RORA: variants seen among roughly 807,000 people sequenced by gnomAD.
RORA encodes nuclear receptor ROR-alpha.
A neutral mutation model predicts 69.5 loss-of-function variants in RORA; 7 were observed. The ratio of observed to expected loss-of-function variants is 0.10; its 90% CI spans 0.06 to 0.19. RORA has a LOEUF of 0.19. Ranked by LOEUF, RORA falls within the 10% of genes least tolerant of loss-of-function variation. The pLI is 1.00. For synonymous variants in RORA, 261 were observed against 240.8 expected (o/e 1.08, Z -0.78); for missense variants, 457 against 663.0 (o/e 0.69, Z 3.41).
intron 1 of RORA, among the ~76,000 whole-genome samples, chr15:60,998,664 G>A (rs1181811901): frequency 6.6e-6 from 1 of 152,162 alleles, no homozygotes; most frequent in Non-Finnish European, 1.5e-5. Flanking sequence ...CTCCCAAAGT[G>A]CTGGGATTAC....
chr15:61,124,617 T>C (rs1221610183), intron 1 of RORA, among the ~76,000 whole-genome samples: 1 of 152,264 alleles, frequency 6.6e-6, no homozygotes, highest in Non-Finnish European at 1.5e-5. Flanking sequence ...TATTTAACTA[T>C]TTTTTAATCT....
intron 1 of RORA, among the ~76,000 whole-genome samples, chr15:60,909,382 A>G (rs991272532): frequency 2.0e-5 from 3 of 152,234 alleles, no homozygotes; most frequent in African/African-American, 7.2e-5. Context: ...TCTGGATACT[A>G]GCTCTTTAGA....
intron 1 of RORA, among the ~76,000 whole-genome samples, chr15:61,163,792 T>C (rs149962247): frequency 6.6e-6 from 1 of 152,154 alleles, no homozygotes; most frequent in African/African-American, 2.4e-5. Context: ...CACCATTCAC[T>C]GAGAGCCTTT....
At chr15:60,994,927 A>G (rs1894487067) in intron 1 of RORA, among the ~76,000 whole-genome samples, 2 of 152,294 alleles carry the variant, frequency 1.3e-5, no homozygotes, top group South Asian at 4.1e-4. Flanking sequence ...AGGGCCAGAA[A>G]CTTTAAAAGG....
At chr15:61,092,268 G>C (rs891266800) in intron 1 of RORA, among the ~76,000 whole-genome samples, 2 of 152,170 alleles carry the variant, frequency 1.3e-5, no homozygotes, top group Non-Finnish European at 2.9e-5. Context: ...TTAAAGGCTG[G>C]CAGTATGTTC....
At chr15:61,039,628 C>G (rs1376451770) in intron 1 of RORA, among the ~76,000 whole-genome samples, 1 of 151,400 alleles carries the variant, frequency 6.6e-6, no homozygotes, top group Non-Finnish European at 1.5e-5. Flanking sequence ...ACCTGTAATC[C>G]CAGCTACTCA....
chr15:61,137,110 G>A (rs1184785102), intron 1 of RORA, among the ~76,000 whole-genome samples: 1 of 147,806 alleles, frequency 6.8e-6, no homozygotes, highest in Non-Finnish European at 1.5e-5. Context: ...AAAAAAGCAA[G>A]GGTGTCCAGG....
chr15:60,758,395 C>T (rs1396752943), intron 1 of RORA, among the ~76,000 whole-genome samples: 1 of 152,150 alleles, frequency 6.6e-6, no homozygotes, highest in Non-Finnish European at 1.5e-5. Flanking sequence ...CACGTTTTGG[C>T]CAATAGTTCC....
At chr15:60,571,623 C>T (rs2067883983) in intron 2 of RORA, among the ~76,000 whole-genome samples, 1 of 152,070 alleles carries the variant, frequency 6.6e-6, no homozygotes, top group Non-Finnish European at 1.5e-5. Flanking sequence ...TGAGGGGTCC[C>T]TGATTTTAGT....
chr15:60,727,482 A>T lies in RORA; in HGVS notation c.167-48796T>A, dbSNP rs143132981. Among the ~76,000 whole-genome samples the T allele has an allele frequency of 1.4e-4, 21 of 152,276 alleles. No individual in the cohort carries two copies. The East Asian group carries it at 3.7e-3, about 27-fold the overall frequency. ...AAATCCCATCCACAATAAGAGCCTCACATTCCTCTCGCTGACAGCTGATCC... is the reference window on the plus strand; with the variant it reads ...AAATCCCATCCACAATAAGAGCCTCTCATTCCTCTCGCTGACAGCTGATCC... On this transcript the variant is annotated intron_variant, in intron 1 of 10. Transcript: ENST00000335670.
chr15:61,161,737 C>T (rs1162381962), intron 1 of RORA, among the ~76,000 whole-genome samples: 1 of 152,050 alleles, frequency 6.6e-6, no homozygotes, highest in Non-Finnish European at 1.5e-5. Context: ...ATGCTAATTA[C>T]AGGCAATTTC....
intron 1 of RORA, among the ~76,000 whole-genome samples, chr15:61,173,679 G>A (rs2079604207): frequency 6.6e-6 from 1 of 152,168 alleles, no homozygotes; most frequent in Non-Finnish European, 1.5e-5. Flanking sequence ...TGTGTGAGAT[G>A]GGGTCCTGCT....
chr15:61,136,069 A>G (rs1375397976), intron 1 of RORA, among the ~76,000 whole-genome samples: 1 of 152,130 alleles, frequency 6.6e-6, no homozygotes, highest in Non-Finnish European at 1.5e-5. Context: ...CTTTTTAGGT[A>G]TCGACCCTGG....
intron 2 of RORA, among the ~76,000 whole-genome samples, chr15:60,671,636 G>A (rs769718193): frequency 1.3e-5 from 2 of 151,710 alleles, no homozygotes; most frequent in African/African-American, 4.8e-5. Flanking sequence ...TTTTGAGACA[G>A]ACTCTCACTC....
At chr15:60,638,228 T>C (rs1210346394) in intron 2 of RORA, among the ~76,000 whole-genome samples, 1 of 152,074 alleles carries the variant, frequency 6.6e-6, no homozygotes, top group Non-Finnish European at 1.5e-5. Context: ...AAATAAAAAA[T>C]GAGAGAAGGC....
intron 1 of RORA, among the ~76,000 whole-genome samples, chr15:60,781,187 C>T (rs564313004): frequency 2.4e-4 from 37 of 152,220 alleles, no homozygotes; most frequent in South Asian, 1.0e-3. Flanking sequence ...GGAGTGGGGA[C>T]GACTGAGCCT....
At chr15:60,740,197 G>A (rs1323460471) in intron 1 of RORA, among the ~76,000 whole-genome samples, 1 of 152,050 alleles carries the variant, frequency 6.6e-6, no homozygotes, top group Admixed American at 6.6e-5. Context: ...TGGCTCAATG[G>A]TTTAATTATC....
intron 1 of RORA, among the ~76,000 whole-genome samples, chr15:60,788,404 G>A (rs1293881504): frequency 1.3e-5 from 2 of 152,122 alleles, no homozygotes; most frequent in Non-Finnish European, 2.9e-5. Flanking sequence ...GGCCAGGAAC[G>A]CACAGCTCAA....
intron 1 of RORA, among the ~76,000 whole-genome samples, chr15:60,842,098 C>T (rs1039366836): frequency 2.0e-5 from 3 of 152,078 alleles, no homozygotes; most frequent in African/African-American, 7.2e-5. Flanking sequence ...CCTTGCTCCT[C>T]AGCCATCTTC....
Sources: allele counts gnomAD v4.1 joint callset (sites outside exome capture counted in the v4.1 genomes callset), GRCh38; gene constraint gnomAD v4.1.1; transcripts MANE v1.5; gene names NCBI Gene and HGNC (gene_info 2026-07-23, HGNC 2026-07-21).